The following ATG10 variants were observed in gnomAD, a reference collection of about 807,000 sequenced individuals.
The protein encoded by ATG10 is ubiquitin-like-conjugating enzyme ATG10.
A neutral mutation model predicts 32.1 loss-of-function variants in ATG10; 30 were observed. The observed-to-expected ratio is 0.94, with a 90% CI of 0.70 to 1.27. ATG10 has a LOEUF of 1.27. Ranked by LOEUF, ATG10 falls within the 50% of genes most tolerant of loss-of-function variation. The probability of loss-of-function intolerance (pLI) is 0.00; values close to 1 mark genes in which losing one functional copy is unlikely to be tolerated. For synonymous variants in ATG10, 87 were observed against 91.5 expected, an observed-to-expected ratio of 0.95 and a Z score of 0.28; for missense variants, 233 against 262.3, an observed-to-expected ratio of 0.89 and a Z score of 0.77.
rs1747424868 is a variant in ATG10, at chr5:82,255,326, G to C, written c.*1263G>C. 6.6e-6 allele frequency: 1 copy of C among 152,038 alleles called. No individual in the cohort carries two copies. The highest frequency in any genetic ancestry group is 6.6e-5 in the Admixed American group (1 of 15,252). The allele number at this position is 152,038 out of a possible 1,614,324, so 9.4% of individuals were successfully genotyped here. ...ATGCTCACCTTTCTTGTATATAATT[G>C]GTATTCACTAAGGCTGTAAATAAGT... On this transcript the variant is annotated 3_prime_UTR_variant, in exon 8 of 8. Transcript: ENST00000282185.
intron 1 of ATG10, among the ~76,000 whole-genome samples, chr5:81,974,395 C>G (rs1165058094): frequency 6.6e-6 from 1 of 152,180 alleles, no homozygotes; most frequent in Non-Finnish European, 1.5e-5. Context: ...CAAGACTTCT[C>G]TAATGTGCTT....
intron 3 of ATG10, among the ~76,000 whole-genome samples, chr5:82,105,161 A>AT (rs1765407309): frequency 6.6e-6 from 1 of 152,116 alleles, no homozygotes; most frequent in South Asian, 2.1e-4. Flanking sequence ...GGGTAAATTG[A>AT]TTACTGTAAG....
At chr5:82,225,978 C>CTT (rs1561366965) in intron 5 of ATG10, among the ~76,000 whole-genome samples, 1 of 152,136 alleles carries the variant, frequency 6.6e-6, no homozygotes, top group African/African-American at 2.4e-5. Context: ...ACGTATTTAA[C>CTT]TTCTTTAGTG....
intron 3 of ATG10, among the ~76,000 whole-genome samples, chr5:82,110,150 T>C (rs1418162276): frequency 6.6e-6 from 1 of 152,144 alleles, no homozygotes; most frequent in Non-Finnish European, 1.5e-5. Flanking sequence ...TATGGCTGCA[T>C]AGTATTCCAT....
intron 2 of ATG10, 54 bp from the exon 3 acceptor site, chr5:82,058,441 G>T: frequency 7.7e-7 from 1 of 1,300,956 alleles, no homozygotes; most frequent in South Asian, 1.2e-5. Flanking sequence ...TTAAAATGAT[G>T]AATTCTTAAA....
In ATG10 at chr5:82,254,569, A is replaced by G. The variant is rs1264477998; in HGVS notation, c.*506A>G. The G allele has an allele frequency of 6.6e-6, 1 of 150,764 alleles. No individual in the cohort carries two copies. The highest frequency in any genetic ancestry group is 1.5e-5 in the Non-Finnish European group (1 of 67,860). 9.3% of individuals were successfully genotyped at this position (150,764 alleles called of 1,614,324 possible). ...GCCAGACACTGTCTCGGGGAAAAAA[A>G]AAAAAAAAAAAAGACACATCACTAT... On this transcript the variant is annotated 3_prime_UTR_variant, in exon 8 of 8. Coordinates refer to ENST00000282185, the MANE Select transcript of ATG10 (RefSeq NM_031482.5).
At chr5:81,996,579 T>A (rs1581580609) in intron 2 of ATG10, among the ~76,000 whole-genome samples, 1 of 152,196 alleles carries the variant, frequency 6.6e-6, no homozygotes, top group East Asian at 1.9e-4. Flanking sequence ...TGCTCTAGAC[T>A]CCAGGGCCCA....
chr5:82,109,845 G>A (rs1053552886), intron 3 of ATG10, among the ~76,000 whole-genome samples: 2 of 151,016 alleles, frequency 1.3e-5, no homozygotes, highest in South Asian at 4.2e-4. Flanking sequence ...GGGTACATGT[G>A]CACAATGTGC....
intron 5 of ATG10, among the ~76,000 whole-genome samples, chr5:82,235,313 T>C (rs1746512304): frequency 6.6e-6 from 1 of 152,166 alleles, no homozygotes; most frequent in Non-Finnish European, 1.5e-5. Flanking sequence ...GGAAATGACA[T>C]GGTCAACAAG....
intron 3 of ATG10, among the ~76,000 whole-genome samples, chr5:82,139,732 C>T (rs1450311070): frequency 7.0e-6 from 1 of 141,850 alleles, no homozygotes; most frequent in African/African-American, 2.6e-5. Context: ...AGCCCCCTGC[C>T]CGGCCAGCCG....
intron 1 of ATG10, among the ~76,000 whole-genome samples, chr5:81,979,053 C>T (rs1254333731): frequency 1.3e-5 from 2 of 152,066 alleles, no homozygotes; most frequent in Non-Finnish European, 2.9e-5. Context: ...GTGCACATCA[C>T]TGCACCTGGC....
intron 3 of ATG10, among the ~76,000 whole-genome samples, chr5:82,139,224 T>C (rs2149856913): frequency 6.8e-6 from 1 of 146,230 alleles, no homozygotes; most frequent in East Asian, 2.0e-4. Context: ...TGCCTTGGCC[T>C]CCCAAAGTGC....
chr5:81,983,375 C>A (rs1384114305), intron 1 of ATG10, among the ~76,000 whole-genome samples: 1 of 148,438 alleles, frequency 6.7e-6, no homozygotes, highest in Non-Finnish European at 1.5e-5. Flanking sequence ...AGAGGTGCCC[C>A]TCACCTCCCG....
chr5:82,176,543 T>C (rs1250193324), intron 4 of ATG10, among the ~76,000 whole-genome samples: 1 of 152,054 alleles, frequency 6.6e-6, no homozygotes, highest in African/African-American at 2.4e-5. Context: ...TAAGATCTTA[T>C]TTGCCTCTTC....
intron 3 of ATG10, among the ~76,000 whole-genome samples, chr5:82,140,629 G>A (rs1209109978): frequency 5.5e-5 from 3 of 54,608 alleles, no homozygotes; most frequent in South Asian, 1.0e-3. Flanking sequence ...CCGGCCAGCC[G>A]CCCCGTCCGG....
intron 4 of ATG10, among the ~76,000 whole-genome samples, chr5:82,174,996 G>T (rs187941061): frequency 6.6e-6 from 1 of 152,232 alleles, no homozygotes; most frequent in Non-Finnish European, 1.5e-5. Flanking sequence ...CCATGGTTTG[G>T]AGAGGGTATT....
At chr5:82,191,174 C>T (rs910779709) in intron 5 of ATG10, among the ~76,000 whole-genome samples, 4 of 152,146 alleles carry the variant, frequency 2.6e-5, no homozygotes, top group African/African-American at 4.8e-5. Context: ...ATTGGAGTCA[C>T]GTATCAATCA....
chr5:82,074,165 T>C (rs761585358), intron 3 of ATG10, among the ~76,000 whole-genome samples: 11 of 152,216 alleles, frequency 7.2e-5, no homozygotes, highest in Admixed American at 1.3e-4. Context: ...ACAAAGAACT[T>C]TGCTTCATCA....
chr5:82,023,686 T>G (rs1762512374), intron 2 of ATG10, among the ~76,000 whole-genome samples: 1 of 152,218 alleles, frequency 6.6e-6, no homozygotes, highest in South Asian at 2.1e-4. Context: ...AAGTAAAACT[T>G]AATGAAACAG....
Sources: allele counts gnomAD v4.1 joint callset (sites outside exome capture counted in the v4.1 genomes callset), GRCh38; gene constraint gnomAD v4.1.1; transcripts MANE v1.5; gene names NCBI Gene and HGNC (gene_info 2026-07-23, HGNC 2026-07-21).